ASTN2: variants seen among roughly 807,000 people sequenced by gnomAD.
ASTN2 encodes astrotactin-2.
Under a neutral mutation model 139.8 loss-of-function variants are expected in ASTN2, and 54 were observed. That is an observed-to-expected ratio of 0.39 (90% confidence interval 0.31 to 0.48). ASTN2 has a LOEUF of 0.48. Ranked by LOEUF, ASTN2 falls within the 20% of genes least tolerant of loss-of-function variation. The pLI is 0.95. For synonymous variants in ASTN2, 756 were observed against 719.5 expected (o/e 1.05, Z -0.81); for missense variants, 1,565 against 1,725.1 (o/e 0.91, Z 1.64).
At chr9:117,255,355 C>T (rs10983584) in intron 2 of ASTN2, among the ~76,000 whole-genome samples, 32,872 of 152,166 alleles carry the variant, frequency 0.22, 4,111 homozygotes, top group Middle Eastern at 0.26. Flanking sequence ...GAATGCCTAC[C>T]ATGTGCTAAA....
intron 14 of ASTN2, among the ~76,000 whole-genome samples, chr9:116,730,291 A>T (rs1828742592): frequency 1.3e-5 from 2 of 152,160 alleles, no homozygotes; most frequent in Non-Finnish European, 2.9e-5. Flanking sequence ...TCATTGGAAC[A>T]AATGATTTCT....
chr9:117,374,361 G>T (rs1408228642), intron 1 of ASTN2, among the ~76,000 whole-genome samples: 3 of 123,704 alleles, frequency 2.4e-5, no homozygotes, highest in African/African-American at 9.9e-5. Flanking sequence ...GCTGCATAAG[G>T]GCAGGGTTAA....
At chr9:116,828,489 G>A (rs1831708423) in intron 11 of ASTN2, among the ~76,000 whole-genome samples, 1 of 150,420 alleles carries the variant, frequency 6.6e-6, no homozygotes, top group African/African-American at 2.5e-5. Context: ...CATAGATACA[G>A]AAAAAAAAGC....
chr9:117,126,896 A>G (rs1298964424), intron 4 of ASTN2, among the ~76,000 whole-genome samples: 3 of 152,204 alleles, frequency 2.0e-5, no homozygotes, highest in African/African-American at 7.2e-5. Context: ...CACTGAGTAG[A>G]CATTCAGCTG....
intron 5 of ASTN2, among the ~76,000 whole-genome samples, chr9:117,091,162 G>A (rs534298577): frequency 6.6e-6 from 1 of 152,292 alleles, no homozygotes; most frequent in South Asian, 2.1e-4. Flanking sequence ...TTCCCAGCAG[G>A]CAGGCATAAA....
intron 13 of ASTN2, among the ~76,000 whole-genome samples, chr9:116,796,610 A>T (rs1265001934): frequency 2.0e-5 from 3 of 152,176 alleles, no homozygotes; most frequent in African/African-American, 7.2e-5. Context: ...AGTATCAGAA[A>T]CTCATAGGAG....
At chr9:116,935,068 G>A (rs1835030822) in intron 10 of ASTN2, among the ~76,000 whole-genome samples, 1 of 152,192 alleles carries the variant, frequency 6.6e-6, no homozygotes. Flanking sequence ...GTTGTTAGGA[G>A]TTACGCATTA....
chr9:116,807,559 T>C (rs1052326148), intron 12 of ASTN2, among the ~76,000 whole-genome samples: 5 of 152,228 alleles, frequency 3.3e-5, no homozygotes, highest in Non-Finnish European at 7.3e-5. Flanking sequence ...CCCCTTCTTT[T>C]TGCATCTGTT....
At chr9:117,096,683 T>C (rs1451079672) in intron 4 of ASTN2, among the ~76,000 whole-genome samples, 2 of 152,194 alleles carry the variant, frequency 1.3e-5, no homozygotes, top group Non-Finnish European at 2.9e-5. Context: ...AATGGAATCC[T>C]AAGGAAGCTT....
Position 116,425,823 on chromosome 9 carries a change from C to G in ASTN2, c.*28G>C, listed in dbSNP as rs769650780. On this transcript the variant is annotated 3_prime_UTR_variant, in exon 23 of 23. Coordinates refer to ENST00000313400, the MANE Select transcript of ASTN2 (RefSeq NM_001365068.1). ...CTGCTCCCCCTCCCATGGAGAGTCT[C>G]TGTGCTCACGGAGGGCAATACCCTC... The G allele has an allele frequency of 9.9e-6, 16 of 1,613,836 alleles. No individual in the cohort carries two copies. The highest frequency in any genetic ancestry group is 1.2e-5 in the Non-Finnish European group (14 of 1,179,860).
At chr9:117,017,728 A>G (rs1837757338) in intron 6 of ASTN2, among the ~76,000 whole-genome samples, 1 of 152,176 alleles carries the variant, frequency 6.6e-6, no homozygotes, top group Admixed American at 6.5e-5. Context: ...TAAATTACAC[A>G]TTCCATTTAC....
intron 6 of ASTN2, among the ~76,000 whole-genome samples, chr9:117,037,511 C>T (rs1052802336): frequency 3.9e-5 from 6 of 152,158 alleles, no homozygotes; most frequent in Non-Finnish European, 7.3e-5. Flanking sequence ...ATTCACTTGG[C>T]TATCGAAGAG....
intron 6 of ASTN2, among the ~76,000 whole-genome samples, chr9:117,030,175 C>T (rs997236908): frequency 1.3e-4 from 20 of 152,138 alleles, no homozygotes; most frequent in African/African-American, 4.8e-4. Flanking sequence ...TGGATTACTC[C>T]ACTGCCTCAT....
intron 19 of ASTN2, among the ~76,000 whole-genome samples, chr9:116,556,038 C>G (rs1273945686): frequency 6.6e-6 from 1 of 152,176 alleles, no homozygotes; most frequent in Non-Finnish European, 1.5e-5. Context: ...TCAACACTTA[C>G]CATGTACATG....
At chr9:116,821,392 C>A (rs944405908) in intron 11 of ASTN2, among the ~76,000 whole-genome samples, 6 of 152,144 alleles carry the variant, frequency 3.9e-5, no homozygotes, top group African/African-American at 1.4e-4. Flanking sequence ...GAATTTGGCA[C>A]ATAATTTGGT....
intron 20 of ASTN2, among the ~76,000 whole-genome samples, chr9:116,469,191 T>C (rs1848739254): frequency 1.3e-5 from 2 of 152,084 alleles, no homozygotes; most frequent in Non-Finnish European, 2.9e-5. Context: ...ACGTTAAATG[T>C]TAATAGGGAG....
chr9:116,813,261 A>G lies in ASTN2; in HGVS notation c.2207+7356T>C, dbSNP rs191903686. Among the ~76,000 whole-genome samples the G allele has an allele frequency of 1.5e-3, 230 of 152,340 alleles. 1 individual carries two copies. The highest frequency in any genetic ancestry group is 5.3e-3 in the African/African-American group (221 of 41,574). On this transcript the variant is annotated intron_variant, in intron 12 of 22. Transcript: ENST00000313400. Reference sequence around the variant, plus strand: ...GTGTTACCCTTAACACACCCATCACATTATAGAGAATACCAAAACTAGATG... The same window carrying G: ...GTGTTACCCTTAACACACCCATCACGTTATAGAGAATACCAAAACTAGATG...
At chr9:116,957,034 T>C (rs145755138) in intron 10 of ASTN2, among the ~76,000 whole-genome samples, 12 of 150,252 alleles carry the variant, frequency 8.0e-5, no homozygotes, top group Admixed American at 6.0e-4. Context: ...GCAGTCCCTA[T>C]CAGATTCCCA....
intron 2 of ASTN2, among the ~76,000 whole-genome samples, chr9:117,221,915 T>A (rs148265987): frequency 6.6e-6 from 1 of 150,874 alleles, no homozygotes. Flanking sequence ...TCACAAACCA[T>A]CCTAAAATAG....
Sources: gnomAD v4.1 joint callset for allele counts (sites outside exome capture counted in the v4.1 genomes callset) on GRCh38, gnomAD v4.1.1 for gene constraint, MANE v1.5 for transcripts, NCBI Gene and HGNC (gene_info 2026-07-23, HGNC 2026-07-21) for gene names.